The following SENP7 variants were observed in gnomAD, a reference collection of about 807,000 sequenced individuals.
SENP7 encodes the protein SUMO specific peptidase 7, also known as sentrin-specific protease 7.
Under a neutral mutation model 141.2 loss-of-function variants are expected in SENP7, and 64 were observed. That is an observed-to-expected ratio of 0.45 (90% confidence interval 0.37 to 0.56). The LOEUF (loss-of-function observed/expected upper bound fraction) is 0.56. Ranked by LOEUF, SENP7 falls within the 20% of genes least tolerant of loss-of-function variation. The pLI, the probability that SENP7 is intolerant of heterozygous loss-of-function variation, is 0.00. For synonymous variants in SENP7, 382 were observed against 426.4 expected (o/e 0.90, Z 1.28); for missense variants, 1,025 against 1,212.2 (o/e 0.85, Z 2.29).
intron 1 of SENP7, among the ~76,000 whole-genome samples, chr3:101,503,518 A>G (rs1304599205): frequency 1.3e-5 from 2 of 152,258 alleles, no homozygotes; most frequent in Non-Finnish European, 1.5e-5. Context: ...ATAAAAGATA[A>G]TGAATTACTG....
At chr3:101,450,498 AT>A (rs1328264646) in intron 4 of SENP7, among the ~76,000 whole-genome samples, 1 of 152,206 alleles carries the variant, frequency 6.6e-6, no homozygotes, top group African/African-American at 2.4e-5. Flanking sequence ...AAGAACAGAA[AT>A]TATAACAAAC....
chr3:101,351,644 T>C lies in SENP7; in HGVS notation c.1631A>G (p.Lys544Arg), dbSNP rs780057781. ...TTGAAATGGGATCTTAATATATTTT[T>C]TTGTGATCTGAAGAAAAAATTAAAA... ...GASKGCVTIT[K>R]KYIKIPFQVS... Residue 544 changes from lysine to arginine, a missense_variant, in exon 12 of 24, where the codon AAA becomes AGA. By Grantham distance (26) the Lys-to-Arg change is conservative. Around this residue, in one of 4 missense-constraint regions of SENP7, gnomAD observed 228 missense variants for 228.5 expected, o/e 1.00. Transcript: ENST00000394095. The C allele has an allele frequency of 7.4e-7, 1 of 1,351,998 alleles. No homozygotes were observed. The highest frequency in any genetic ancestry group is 2.8e-5 in the East Asian group (1 of 36,032). 83.8% of individuals were successfully genotyped at this position (1,351,998 alleles called of 1,614,324 possible). A position where few individuals can be genotyped will look rare whatever the true frequency, so the allele number is the denominator to read the frequency against.
intron 1 of SENP7, among the ~76,000 whole-genome samples, chr3:101,502,912 T>A (rs1213970907): frequency 1.4e-5 from 2 of 140,080 alleles, no homozygotes; most frequent in African/African-American, 5.7e-5. Flanking sequence ...TAAGACCCTG[T>A]CTCAGATTTA....
intron 6 of SENP7, among the ~76,000 whole-genome samples, chr3:101,396,700 G>T (rs1024162023): frequency 6.6e-6 from 1 of 152,146 alleles, no homozygotes; most frequent in African/African-American, 2.4e-5. Flanking sequence ...AAAAAATTTA[G>T]TATACATTGA....
intron 4 of SENP7, chr3:101,457,669 C>A: frequency 7.1e-7 from 1 of 1,416,966 alleles, no homozygotes; most frequent in Non-Finnish European, 9.9e-7. Context: ...CCTTTCCCAC[C>A]AATGCACACT....
At chr3:101,361,251 C>T (rs1368907448) in intron 11 of SENP7, among the ~76,000 whole-genome samples, 1 of 151,702 alleles carries the variant, frequency 6.6e-6, no homozygotes, top group Non-Finnish European at 1.5e-5. Flanking sequence ...GAGTAGAATC[C>T]AGTCTCACTT....
chr3:101,455,433 A>G (rs997419492), intron 4 of SENP7, among the ~76,000 whole-genome samples: 2 of 152,190 alleles, frequency 1.3e-5, no homozygotes, highest in African/African-American at 4.8e-5. Context: ...TAGCTGCCGT[A>G]ATTATAAATA....
At chr3:101,375,918 A>C (rs2060314625) in intron 6 of SENP7, among the ~76,000 whole-genome samples, 1 of 152,214 alleles carries the variant, frequency 6.6e-6, no homozygotes, top group African/African-American at 2.4e-5. Flanking sequence ...AAAATAGACA[A>C]ATTCACAGAG....
intron 4 of SENP7, among the ~76,000 whole-genome samples, chr3:101,424,002 C>T (rs1015149143): frequency 1.3e-5 from 2 of 152,150 alleles, no homozygotes; most frequent in African/African-American, 4.8e-5. Flanking sequence ...CCAGTGAGGG[C>T]CATCCCTCTA....
chr3:101,510,809 G>A (rs189316167), intron 1 of SENP7, among the ~76,000 whole-genome samples: 192 of 127,368 alleles, frequency 1.5e-3, no homozygotes, highest in African/African-American at 5.5e-3. Flanking sequence ...GTGCCACTGC[G>A]CTCCAGCCTG....
At chr3:101,463,048 T>C (rs28683539) in intron 3 of SENP7, among the ~76,000 whole-genome samples, 110 of 151,942 alleles carry the variant, frequency 7.2e-4, no homozygotes, top group African/African-American at 2.5e-3. Flanking sequence ...AAAGAATTTC[T>C]ACACATCAAT....
At chr3:101,422,385 T>G (rs1170368428) in intron 4 of SENP7, among the ~76,000 whole-genome samples, 1 of 152,206 alleles carries the variant, frequency 6.6e-6, no homozygotes, top group Non-Finnish European at 1.5e-5. Flanking sequence ...TTTTCTGTTT[T>G]GTACCTCAGT....
intron 22 of SENP7, 99 bp downstream of exon 22, chr3:101,328,379 A>G (rs2058960275): frequency 1.3e-6 from 1 of 751,930 alleles, no homozygotes; most frequent in Non-Finnish European, 2.2e-6. Flanking sequence ...ATAATAAAAT[A>G]TAATTCCTGA....
chr3:101,504,240 T>A (rs1179756578), intron 1 of SENP7, among the ~76,000 whole-genome samples: 3 of 151,112 alleles, frequency 2.0e-5, no homozygotes, highest in Admixed American at 6.6e-5. Context: ...TCACTTGAGG[T>A]CAGGAGTTCG....
In SENP7 at chr3:101,417,628, T is replaced by C; in HGVS notation, c.447A>G (p.Leu149=). ...SVDSLETCQK[L]EPLRQSLNLS... is the part of the protein sequence containing the mutation. ...AATTAAGGCTTTGGCGAAGAGGTTCTAATTTTTGACATGTCTCTAGGCTGT... is the reference window on the plus strand; with the variant it reads ...AATTAAGGCTTTGGCGAAGAGGTTCCAATTTTTGACATGTCTCTAGGCTGT... The change falls in exon 5 of 24, where the codon TTA becomes TTG. Residue 149 remains leucine (L), a synonymous_variant. Coordinates refer to ENST00000394095, the MANE Select transcript of SENP7 (RefSeq NM_020654.5). The C allele has an allele frequency of 6.2e-7, 1 of 1,613,984 alleles. No individual in the cohort carries two copies. The highest frequency in any genetic ancestry group is 8.5e-7 in the Non-Finnish European group (1 of 1,179,856).
chr3:101,376,414 A>T (rs954090071), intron 6 of SENP7, among the ~76,000 whole-genome samples: 1 of 152,248 alleles, frequency 6.6e-6, no homozygotes, highest in Admixed American at 6.5e-5. Flanking sequence ...AAAATATACA[A>T]TAAATGAAGG....
chr3:101,364,455 C>G (rs1161635852), intron 10 of SENP7, among the ~76,000 whole-genome samples: 3 of 152,098 alleles, frequency 2.0e-5, no homozygotes, highest in Non-Finnish European at 4.4e-5. Flanking sequence ...ATACTGCCTT[C>G]ATAGTATGTG....
chr3:101,367,870 G>C lies in SENP7; in HGVS notation c.938C>G (p.Ser313Cys). 1 of 1,608,414 alleles carries C rather than the reference G, an allele frequency of 6.2e-7. No homozygotes were observed. Among genetic ancestry groups the C allele is most frequent in the Non-Finnish European group, 8.5e-7 (1 of 1,175,422 alleles). Residue 313 changes from serine (S) to cysteine (C), a missense_variant, in exon 8 of 24, where the codon TCT (serine) becomes TGT (cysteine). Coordinates refer to ENST00000394095, the MANE Select transcript of SENP7 (RefSeq NM_020654.5). Reference sequence around the variant, plus strand: ...CTTATCCAAAGAAGTACAATATTGAGAATCAGGTAAATTATTTCTAAGCCT... The same window carrying C: ...CTTATCCAAAGAAGTACAATATTGACAATCAGGTAAATTATTTCTAAGCCT... ...KRRLRNNLPD[S>C]QYCTSLDKST...
At chr3:101,428,166 T>C (rs141174490) in intron 4 of SENP7, among the ~76,000 whole-genome samples, 186 of 152,334 alleles carry the variant, frequency 1.2e-3, no homozygotes, top group African/African-American at 4.3e-3. Flanking sequence ...TACATGTGCA[T>C]GTGTCTTTAC....
Sources: allele counts gnomAD v4.1 joint callset (sites outside exome capture counted in the v4.1 genomes callset), GRCh38; gene constraint gnomAD v4.1.1; regional missense constraint gnomAD v4.1.1; transcripts MANE v1.5; gene names NCBI Gene and HGNC (gene_info 2026-07-23, HGNC 2026-07-21).